The following DRC1 variants were observed in gnomAD, a reference collection of about 807,000 sequenced individuals.
The protein encoded by DRC1 is dynein regulatory complex subunit 1.
DRC1 carries 74 observed loss-of-function variants against 98.7 expected under a neutral mutation model. The observed-to-expected ratio is 0.75, with a 90% CI of 0.62 to 0.91. The LOEUF is 0.91. DRC1 is among the 40% of genes least tolerant of loss of function. DRC1 has a pLI of 0.00. For synonymous variants in DRC1, 336 were observed against 334.1 expected, an observed-to-expected ratio of 1.01 and a Z score of -0.06; for missense variants, 875 against 886.0, an observed-to-expected ratio of 0.99 and a Z score of 0.16.
At chr2:26,455,049 A>G (rs1258963733) in intron 15 of DRC1, 82 bp from the exon 16 acceptor site, 2 of 1,524,076 alleles carry the variant, frequency 1.3e-6, no homozygotes, top group Non-Finnish European at 1.8e-6. Context: ...CTGTAGCCAA[A>G]GTACAACCAC....
chr2:26,450,219 C>A, intron 12 of DRC1, 134 bp downstream of exon 12: 1 of 781,762 alleles, frequency 1.3e-6, no homozygotes, highest in Non-Finnish European at 2.1e-6. Flanking sequence ...TCACATCCTT[C>A]CCTTAACCTA....
In DRC1 at chr2:26,440,529, T is replaced by C. The variant is rs1231547608; in HGVS notation, c.1028+12T>C. Reference sequence around the variant, plus strand: ...AGGAAGATCAATCGGTAAGCTAGCATGCAGAGCGTCTTTCTTCTGGGCCTT... The same window carrying C: ...AGGAAGATCAATCGGTAAGCTAGCACGCAGAGCGTCTTTCTTCTGGGCCTT... On this transcript the variant is annotated intron_variant, in intron 8 of 16. Coordinates refer to ENST00000288710, the MANE Select transcript of DRC1 (RefSeq NM_145038.5). 7.5e-6 allele frequency: 12 copies of C among 1,607,270 alleles called. No individual in the cohort carries two copies. Among genetic ancestry groups the C allele is most frequent in the Admixed American group, 1.7e-5 (1 of 59,570 alleles).
Position 26,455,183 on chromosome 2 carries a change from C to T in DRC1, c.2116C>T (p.Gln706Ter). ...KLLLENSSLE[Q>*]QNTELQALLQ... ...GCTGCTGGAAAACAGTTCTCTGGAG[C>T]AGCAGAACACAGAGCTGCAGGCGCT... The change falls in exon 16 of 17, where the codon CAG (glutamine) becomes TAG (stop). Residue 706 changes from glutamine (Q) to a stop codon, truncating the protein, a stop_gained. Coordinates refer to ENST00000288710, the MANE Select transcript of DRC1 (RefSeq NM_145038.5). LOFTEE classifies it high-confidence loss of function. 6.2e-7 allele frequency: 1 copy of T among 1,614,090 alleles called. No homozygotes were observed. The highest frequency in any genetic ancestry group is 8.5e-7 in the Non-Finnish European group (1 of 1,180,042).
chr2:26,456,419 GCCCTGGGAAAAATGTAACGACTTTCA>G lies in DRC1; in HGVS notation c.2167-37_2167-12del, dbSNP rs1558459335. 4 of 1,613,296 alleles carry G rather than the reference GCCCTGGGAAAAATGTAACGACTTTCA, an allele frequency of 2.5e-6. No homozygotes were observed. The Admixed American group carries it at 5.0e-5, about 20-fold the overall frequency. On this transcript the variant is annotated splice_polypyrimidine_tract_variant and intron_variant, in intron 16 of 16. Coordinates refer to ENST00000288710, the MANE Select transcript of DRC1 (RefSeq NM_145038.5). Reference sequence around the variant, plus strand: ...CTCGCAAGGGTGGCAAAGAAGGAGGGCCCTGGGAAAAATGTAACGACTTTCACCCTTTCTTTTCCAGATCAACTCTG... The same window carrying G: ...CTCGCAAGGGTGGCAAAGAAGGAGGGCCCTTTCTTTTCCAGATCAACTCTG...
At chr2:26,446,431 T>G (rs1269963768) in intron 10 of DRC1, among the ~76,000 whole-genome samples, 2 of 152,130 alleles carry the variant, frequency 1.3e-5, no homozygotes, top group Non-Finnish European at 2.9e-5. Flanking sequence ...GGGTGCTTAT[T>G]GTTTTGGATT....
chr2:26,416,140 C>A (rs1678794927), intron 2 of DRC1, among the ~76,000 whole-genome samples: 1 of 152,128 alleles, frequency 6.6e-6, no homozygotes, highest in Non-Finnish European at 1.5e-5. Context: ...GCCTTGGCAT[C>A]AAGGAGAAAT....
At chr2:26,444,996 A>G in intron 10 of DRC1, 48 bp downstream of exon 10, 1 of 1,586,264 alleles carries the variant, frequency 6.3e-7, no homozygotes, top group Non-Finnish European at 8.6e-7. Flanking sequence ...GAGCCCCCTG[A>G]GAACATCGGG....
intron 4 of DRC1, among the ~76,000 whole-genome samples, chr2:26,429,367 C>A (rs891319637): frequency 6.6e-6 from 1 of 151,986 alleles, no homozygotes; most frequent in African/African-American, 2.4e-5. Context: ...AGGCGTGCAC[C>A]ACCACATCTG....
chr2:26,411,512 T>C (rs1036520072), intron 1 of DRC1, among the ~76,000 whole-genome samples: 2 of 152,210 alleles, frequency 1.3e-5, no homozygotes, highest in Non-Finnish European at 2.9e-5. Context: ...TATTGGACAG[T>C]ACAGTGCTAA....
Position 26,424,343 on chromosome 2 carries a change from G to A in DRC1, c.429G>A (p.Glu143=). 3 of 1,613,896 alleles carry A rather than the reference G, an allele frequency of 1.9e-6. No individual in the cohort carries two copies. The highest frequency in any genetic ancestry group is 2.5e-6 in the Non-Finnish European group (3 of 1,180,000). Residue 143 remains glutamate, a synonymous_variant, in exon 4 of 17, where the codon GAG becomes GAA. Transcript: ENST00000288710. ...KFDEITSKWE[E]GKQKRIPQEL... is the part of the protein sequence containing the mutation. ...ATGAAATCACCTCAAAGTGGGAAGA[G>A]GGCAAGCAGAAGAGAATTCCCCAAG...
chr2:26,443,888 T>C (rs1029561108), intron 8 of DRC1, among the ~76,000 whole-genome samples: 1 of 152,216 alleles, frequency 6.6e-6, no homozygotes. Flanking sequence ...TATTTAAATA[T>C]GTGAGGCTGG....
intron 2 of DRC1, among the ~76,000 whole-genome samples, chr2:26,418,555 AATTTATATATAATATATATTAT>A (rs1347715656): frequency 0.013 from 1,340 of 103,566 alleles, 45 homozygotes; most frequent in African/African-American, 0.051. Context: ...AATTATATAT[AATTTATATATAATATATATTAT>A]ATATAAATTA....
Position 26,450,653 on chromosome 2 carries a change from G to T in DRC1, c.1661G>T (p.Arg554Leu). ...CTGGTGAACTTCTTCCTTAAATATC[G>T]AGCTCACCGTTTATCTTCCAGCCTC... ...YKLVNFFLKY[R>L]AHRLSSSLQI... The change falls in exon 13 of 17, where the codon CGA becomes CTA. Residue 554 changes from arginine to leucine, a missense_variant. Transcript: ENST00000288710. The T allele has an allele frequency of 6.2e-7, 1 of 1,607,630 alleles. No individual in the cohort carries two copies.
chr2:26,402,167 CG>C, intron 1 of DRC1, 23 bp downstream of exon 1: 1 of 1,555,542 alleles, frequency 6.4e-7, no homozygotes, highest in African/African-American at 1.4e-5. Context: ...GCGGGCGGGG[CG>C]GGATCCGCGC....
chr2:26,433,538 G>A (rs1166283869), intron 7 of DRC1, among the ~76,000 whole-genome samples: 3 of 152,140 alleles, frequency 2.0e-5, no homozygotes, highest in Non-Finnish European at 4.4e-5. Flanking sequence ...ACTGAAAATG[G>A]CTATTGTTAA....
chr2:26,410,725 A>T (rs2147977801), intron 1 of DRC1, among the ~76,000 whole-genome samples: 1 of 152,326 alleles, frequency 6.6e-6, no homozygotes, highest in East Asian at 1.9e-4. Flanking sequence ...AGCACAATGG[A>T]TGAAAATAGA....
At chr2:26,430,086 A>G (rs1444673783) in intron 5 of DRC1, among the ~76,000 whole-genome samples, 1 of 152,200 alleles carries the variant, frequency 6.6e-6, no homozygotes, top group Non-Finnish European at 1.5e-5. Context: ...TACAGGTGGT[A>G]ATAAGTGTTT....
At chr2:26,418,685 T>C (rs1678928494) in intron 2 of DRC1, among the ~76,000 whole-genome samples, 2 of 88,918 alleles carry the variant, frequency 2.2e-5, no homozygotes, top group East Asian at 5.6e-4. Context: ...ATATAATTTA[T>C]ATTATATATA....
At chr2:26,448,163 T>G (rs1381352086) in intron 10 of DRC1, 3 of 267,434 alleles carry the variant, frequency 1.1e-5, no homozygotes, top group African/African-American at 7.0e-5. Context: ...AGGCGGAGGT[T>G]GCAGTGAGCT....
Sources: allele counts gnomAD v4.1 joint callset (sites outside exome capture counted in the v4.1 genomes callset), GRCh38; gene constraint gnomAD v4.1.1; transcripts MANE v1.5; gene names NCBI Gene and HGNC (gene_info 2026-07-23, HGNC 2026-07-21).